PTPRN2: variants seen among roughly 807,000 people sequenced by gnomAD.
PTPRN2 encodes the protein protein tyrosine phosphatase receptor type N2.
In PTPRN2, 74 loss-of-function variants were observed where a neutral mutation model predicts 118.8. That is an observed-to-expected ratio of 0.62 (90% confidence interval 0.52 to 0.76). PTPRN2 has a LOEUF of 0.76. Ranked by LOEUF, PTPRN2 falls within the 30% of genes least tolerant of loss-of-function variation. The probability of loss-of-function intolerance (pLI) is 0.00; values close to 1 mark genes in which losing one functional copy is unlikely to be tolerated. For synonymous variants in PTPRN2, 641 were observed against 608.0 expected (o/e 1.05, Z -0.80); for missense variants, 1,481 against 1,394.4 (o/e 1.06, Z -0.99).
intron 11 of PTPRN2, among the ~76,000 whole-genome samples, chr7:158,061,152 G>A (rs1024333376): frequency 2.0e-5 from 3 of 152,254 alleles, no homozygotes; most frequent in Non-Finnish European, 2.9e-5. Flanking sequence ...GCAGGCCGCC[G>A]TCGGGCGGTG....
intron 3 of PTPRN2, among the ~76,000 whole-genome samples, chr7:158,296,128 C>T (rs1800483983): frequency 6.6e-6 from 1 of 152,102 alleles, no homozygotes; most frequent in Non-Finnish European, 1.5e-5. Context: ...CCAAATGTTG[C>T]ATTTCCCAAG....
intron 12 of PTPRN2, among the ~76,000 whole-genome samples, chr7:157,713,932 A>G (rs752061722): frequency 2.6e-5 from 4 of 152,202 alleles, no homozygotes; most frequent in Non-Finnish European, 4.4e-5. Flanking sequence ...GAGCGGAAAT[A>G]CAATGGCAGC....
intron 3 of PTPRN2, among the ~76,000 whole-genome samples, chr7:158,216,030 T>C (rs1234988802): frequency 1.3e-5 from 2 of 152,136 alleles, no homozygotes; most frequent in Non-Finnish European, 2.9e-5. Context: ...TACTGTCTTA[T>C]GTCATTTTAA....
intron 14 of PTPRN2, among the ~76,000 whole-genome samples, chr7:157,655,316 C>T (rs191797502): frequency 1.3e-3 from 205 of 152,318 alleles, no homozygotes; most frequent in African/African-American, 4.7e-3. Context: ...TGTTTCCCAC[C>T]AGACGTCAGC....
chr7:158,389,326 G>A (rs1437250592), intron 2 of PTPRN2, among the ~76,000 whole-genome samples: 2 of 152,248 alleles, frequency 1.3e-5, no homozygotes, highest in Non-Finnish European at 2.9e-5. Context: ...TAGACCACAC[G>A]AAGTGAAAGC....
intron 9 of PTPRN2, among the ~76,000 whole-genome samples, chr7:158,117,610 T>G (rs1293108881): frequency 6.6e-6 from 1 of 152,198 alleles, no homozygotes; most frequent in Non-Finnish European, 1.5e-5. Context: ...CAGAGACACA[T>G]TTTAACTAAA....
chr7:157,644,661 G>A (rs1804918270), intron 14 of PTPRN2, among the ~76,000 whole-genome samples: 1 of 152,122 alleles, frequency 6.6e-6, no homozygotes, highest in South Asian at 2.1e-4. Flanking sequence ...CAGGCGTGGT[G>A]GCTAACGCCT....
chr7:158,225,567 A>T (rs1828704664), intron 3 of PTPRN2, among the ~76,000 whole-genome samples: 1 of 152,228 alleles, frequency 6.6e-6, no homozygotes. Flanking sequence ...CACAGCACCC[A>T]TCTTCCTCAA....
At chr7:158,013,157 A>C (rs1218296957) in intron 11 of PTPRN2, among the ~76,000 whole-genome samples, 6 of 152,228 alleles carry the variant, frequency 3.9e-5, no homozygotes, top group Non-Finnish European at 7.3e-5. Flanking sequence ...CCTCAAGCTT[A>C]GGAGGGCTTC....
chr7:158,345,744 T>C (rs1586408920), intron 2 of PTPRN2, among the ~76,000 whole-genome samples: 1 of 152,192 alleles, frequency 6.6e-6, no homozygotes, highest in Non-Finnish European at 1.5e-5. Context: ...TACCCAAGAC[T>C]AAGTAATTTT....
intron 12 of PTPRN2, among the ~76,000 whole-genome samples, chr7:157,840,578 C>G (rs1287544014): frequency 1.3e-5 from 2 of 152,182 alleles, no homozygotes; most frequent in African/African-American, 4.8e-5. Flanking sequence ...GAGCTGCAGA[C>G]AACATCCGAG....
At chr7:157,722,791 G>A (rs1799315547) in intron 12 of PTPRN2, among the ~76,000 whole-genome samples, 1 of 152,118 alleles carries the variant, frequency 6.6e-6, no homozygotes, top group South Asian at 2.1e-4. Flanking sequence ...ATCCAGAGAG[G>A]CAAGGGAGAA....
intron 9 of PTPRN2, among the ~76,000 whole-genome samples, chr7:158,119,609 AAGAGGGAG>A (rs1816988468): frequency 6.8e-6 from 1 of 146,802 alleles, no homozygotes; most frequent in African/African-American, 2.7e-5. Flanking sequence ...AGATATTTGA[AAGAGGGAG>A]AGAGAGAGAG....
intron 12 of PTPRN2, among the ~76,000 whole-genome samples, chr7:157,884,417 G>A (rs80169625): frequency 0.13 from 20,515 of 152,246 alleles, 1,422 homozygotes; most frequent in East Asian, 0.19. Context: ...GCACCTGGAA[G>A]AGGACGGCTC....
At chr7:158,376,928 C>A (rs1288900573) in intron 2 of PTPRN2, among the ~76,000 whole-genome samples, 8 of 5,320 alleles carry the variant, frequency 1.5e-3, no homozygotes, top group Non-Finnish European at 2.7e-3. Context: ...ACGTCCTGCA[C>A]GCGGGGTCAG....
intron 21 of PTPRN2, among the ~76,000 whole-genome samples, chr7:157,557,242 C>G (rs1284924733): frequency 1.6e-4 from 24 of 151,752 alleles, no homozygotes; most frequent in African/African-American, 5.6e-4. Flanking sequence ...CACACACACA[C>G]AGGCATGCAC....
chr7:158,475,328 C>T (rs1820174856), intron 2 of PTPRN2, among the ~76,000 whole-genome samples: 1 of 115,376 alleles, frequency 8.7e-6, no homozygotes. Context: ...GGGCCAGATG[C>T]TGCTCTTCCT....
chr7:158,437,385 G>A lies in PTPRN2; in HGVS notation c.163+52350C>T, dbSNP rs555104055. 4.6e-5 allele frequency among the ~76,000 whole-genome samples: 7 copies of A among 152,318 alleles called. No homozygotes were observed. In the East Asian group the frequency reaches 1.3e-3, roughly 29 times the overall value. On this transcript the variant is annotated intron_variant, in intron 2 of 22. Coordinates refer to ENST00000389418, the MANE Select transcript of PTPRN2 (RefSeq NM_002847.5). ...TTATTTTAAAATTTGACTGCAACAA[G>A]TATAATAACTATCTGTGGGTGTACT...
At chr7:158,482,086 AT>A (rs1231623910) in intron 2 of PTPRN2, among the ~76,000 whole-genome samples, 2 of 152,198 alleles carry the variant, frequency 1.3e-5, no homozygotes, top group Admixed American at 1.3e-4. Context: ...CCACAATCTC[AT>A]GATAAAACTT....
Sources: allele counts gnomAD v4.1 joint callset (sites outside exome capture counted in the v4.1 genomes callset), GRCh38; gene constraint gnomAD v4.1.1; transcripts MANE v1.5; gene names NCBI Gene and HGNC (gene_info 2026-07-23, HGNC 2026-07-21).